Variants in SMARCC1 observed in about 807,000 individuals in gnomAD.
The protein encoded by SMARCC1 is SWI/SNF complex subunit SMARCC1.
Under a neutral mutation model 147.4 loss-of-function variants are expected in SMARCC1, and 43 were observed. That is an observed-to-expected ratio of 0.29 (90% CI 0.23 to 0.38). The LOEUF is 0.38. Ranked by LOEUF, SMARCC1 falls within the 10% of genes least tolerant of loss-of-function variation. SMARCC1 has a pLI of 1.00. For missense variants in SMARCC1, 1,119 were observed against 1,381.1 expected, an observed-to-expected ratio of 0.81 and a Z score of 3.01; for synonymous variants, 495 against 484.4, an observed-to-expected ratio of 1.02 and a Z score of -0.29.
chr3:47,607,182 CTTG>C (rs2032489611), intron 26 of SMARCC1, among the ~76,000 whole-genome samples: 1 of 152,014 alleles, frequency 6.6e-6, no homozygotes, highest in African/African-American at 2.4e-5. Flanking sequence ...AAGAATGCAC[CTTG>C]TTGTGAGCAG....
In SMARCC1 at chr3:47,647,438, G is replaced by T. The variant is rs947492218; in HGVS notation, c.2321-8658C>A. On this transcript the variant is annotated intron_variant, in intron 21 of 27. Coordinates refer to ENST00000254480, the MANE Select transcript of SMARCC1 (RefSeq NM_003074.4). ...TTGAAGGTAGACTAGGCTAAGTTAC[G>T]TTTGGTAGGTTAGGTGTATTAAATG... 3.3e-5 allele frequency among the ~76,000 whole-genome samples: 5 copies of T among 152,272 alleles called. No individual in the cohort carries two copies. In the South Asian group the frequency reaches 1.0e-3, roughly 32 times the overall value.
intron 19 of SMARCC1, among the ~76,000 whole-genome samples, chr3:47,667,046 G>A (rs764667915): frequency 6.6e-6 from 1 of 152,086 alleles, no homozygotes; most frequent in Non-Finnish European, 1.5e-5. Flanking sequence ...GGCCAGGCAC[G>A]GTGGCTCACG....
At chr3:47,715,143 C>T (rs1387983049) in intron 7 of SMARCC1, among the ~76,000 whole-genome samples, 1 of 152,114 alleles carries the variant, frequency 6.6e-6, no homozygotes, top group Non-Finnish European at 1.5e-5. Context: ...TGGAAAAATC[C>T]TTCTCCCTTG....
At chr3:47,707,128 C>G (rs1340398763) in intron 9 of SMARCC1, among the ~76,000 whole-genome samples, 1 of 151,696 alleles carries the variant, frequency 6.6e-6, no homozygotes. Flanking sequence ...CTCTCCAACA[C>G]AGGGAAAGCC....
At chr3:47,724,576 G>A (rs1035371433) in intron 6 of SMARCC1, among the ~76,000 whole-genome samples, 3 of 152,146 alleles carry the variant, frequency 2.0e-5, no homozygotes, top group Non-Finnish European at 2.9e-5. Flanking sequence ...GTTTTTCTGG[G>A]TGTGTTTTAA....
At chr3:47,746,917 A>G (rs919988881) in intron 2 of SMARCC1, among the ~76,000 whole-genome samples, 1 of 151,762 alleles carries the variant, frequency 6.6e-6, no homozygotes. Flanking sequence ...TTTAGTAGAG[A>G]CAGGGTTTCT....
chr3:47,689,308 T>C, intron 13 of SMARCC1, 79 bp downstream of exon 13: 1 of 1,205,000 alleles, frequency 8.3e-7, no homozygotes, highest in South Asian at 1.2e-5. Flanking sequence ...TTGGGTTATG[T>C]CCAATTCAGT....
chr3:47,754,794 G>C (rs1446512694), intron 2 of SMARCC1, among the ~76,000 whole-genome samples: 1 of 152,172 alleles, frequency 6.6e-6, no homozygotes, highest in African/African-American at 2.4e-5. Context: ...TGTAATGCCA[G>C]AACTTTGGGA....
Position 47,682,501 on chromosome 3 carries a change from C to G in SMARCC1, c.1386-1993G>C, listed in dbSNP as rs568703577. On this transcript the variant is annotated intron_variant, in intron 14 of 27. Transcript: ENST00000254480. ...ACTATGTTTGGGCTCAAGCGACCCA[C>G]CAGCCTCAGCCTCTCAAAGTGCTGT... Among the ~76,000 whole-genome samples, 22 of 152,204 alleles carry G rather than the reference C, an allele frequency of 1.4e-4. No homozygotes were observed. In the South Asian group the frequency reaches 2.9e-3, roughly 20 times the overall value.
At chr3:47,654,031 C>T (rs1055388817) in intron 21 of SMARCC1, among the ~76,000 whole-genome samples, 2 of 152,242 alleles carry the variant, frequency 1.3e-5, no homozygotes, top group South Asian at 2.1e-4. Context: ...GTTTCAAAAC[C>T]CACTAAACTA....
chr3:47,615,188 T>C (rs1441189357), intron 25 of SMARCC1, among the ~76,000 whole-genome samples: 1 of 152,212 alleles, frequency 6.6e-6, no homozygotes, highest in Non-Finnish European at 1.5e-5. Flanking sequence ...ATGCAGCATA[T>C]AATACCTTAT....
intron 24 of SMARCC1, among the ~76,000 whole-genome samples, chr3:47,629,838 C>T (rs2032863231): frequency 6.6e-6 from 1 of 151,970 alleles, no homozygotes; most frequent in Admixed American, 6.6e-5. Context: ...AATATCATGA[C>T]AGATAATAAA....
rs2032093947 is a variant in SMARCC1 at position 47,587,658 on chromosome 3, A to G, written c.*551T>C. ...AAAAGTCTCAAACTTTACCATCAGCACCATTCTTAGCTCAGAAAAGCAGAA... is the reference window on the plus strand; with the variant it reads ...AAAAGTCTCAAACTTTACCATCAGCGCCATTCTTAGCTCAGAAAAGCAGAA... On this transcript the variant is annotated 3_prime_UTR_variant, in exon 28 of 28. Coordinates refer to ENST00000254480, the MANE Select transcript of SMARCC1 (RefSeq NM_003074.4). 1 of 152,750 alleles carries G rather than the reference A, an allele frequency of 6.5e-6. No individual in the cohort carries two copies. The highest frequency in any genetic ancestry group is 1.5e-5 in the Non-Finnish European group (1 of 68,162). 9.5% of individuals were successfully genotyped at this position (152,750 alleles called of 1,614,324 possible).
intron 21 of SMARCC1, among the ~76,000 whole-genome samples, chr3:47,653,829 A>C (rs1364660475): frequency 1.3e-5 from 2 of 152,228 alleles, no homozygotes; most frequent in East Asian, 3.8e-4. Context: ...ACTTGAAAGA[A>C]GTTAACTGGG....
chr3:47,763,326 C>A (rs1320202098), intron 2 of SMARCC1, among the ~76,000 whole-genome samples: 1 of 149,680 alleles, frequency 6.7e-6, no homozygotes, highest in Non-Finnish European at 1.5e-5. Flanking sequence ...TGGGTCAACA[C>A]TTTCAGAGGA....
At chr3:47,750,624 T>C (rs1475908658) in intron 2 of SMARCC1, among the ~76,000 whole-genome samples, 1 of 152,136 alleles carries the variant, frequency 6.6e-6, no homozygotes, top group Non-Finnish European at 1.5e-5. Context: ...TTCATATATT[T>C]AATGTGGAAT....
intron 2 of SMARCC1, among the ~76,000 whole-genome samples, chr3:47,747,199 C>G (rs973237112): frequency 6.6e-6 from 1 of 151,678 alleles, no homozygotes; most frequent in Admixed American, 6.6e-5. Context: ...TTTGGCAGGC[C>G]GAAGCGGGCA....
intron 25 of SMARCC1, among the ~76,000 whole-genome samples, chr3:47,618,611 T>C (rs883661): frequency 0.6 from 90,784 of 151,896 alleles, 28,314 homozygotes; most frequent in East Asian, 0.72. Flanking sequence ...ATTTAAAAAA[T>C]AGACATCACA....
intron 24 of SMARCC1, among the ~76,000 whole-genome samples, chr3:47,633,781 C>T (rs9817885): frequency 0.016 from 241 of 14,952 alleles, 19 homozygotes; most frequent in East Asian, 0.082. Flanking sequence ...TATATATATA[C>T]ACACACACAC....
Sources: allele counts gnomAD v4.1 joint callset (sites outside exome capture counted in the v4.1 genomes callset), GRCh38; gene constraint gnomAD v4.1.1; transcripts MANE v1.5; gene names NCBI Gene and HGNC (gene_info 2026-07-23, HGNC 2026-07-21).